CCDC7: variants seen among roughly 807,000 people sequenced by gnomAD.
CCDC7 encodes the protein coiled-coil domain-containing protein 7.
CCDC7 carries 183 observed loss-of-function variants against 196.9 expected under a neutral mutation model. The ratio of observed to expected loss-of-function variants is 0.93; its 90% CI spans 0.82 to 1.05. CCDC7 has a LOEUF of 1.05. Among genes scored for constraint, CCDC7 ranks in the 50% least tolerant of loss-of-function variants. The pLI, the probability that CCDC7 is intolerant of heterozygous loss-of-function variation, is 0.00. For synonymous variants in CCDC7, 525 were observed against 484.6 expected (o/e 1.08, Z -1.10); for missense variants, 1,540 against 1,482.2 (o/e 1.04, Z -0.64).
chr10:32,583,015 A>G lies in CCDC7; in HGVS notation c.1455-19A>G, dbSNP rs2058894670. On this transcript the variant is annotated intron_variant, in intron 16 of 41. Transcript: ENST00000639629. ...TGGTCTTCACATAATCTAATACCAG[A>G]TGTTTTATAATTCTAAAGCTCAGAG... 1 of 1,226,666 alleles carries G rather than the reference A, an allele frequency of 8.2e-7. No homozygotes were observed. Among genetic ancestry groups the G allele is most frequent in the Non-Finnish European group, 1.0e-6 (1 of 983,286 alleles). The allele number at this position is 1,226,666 out of a possible 1,614,324, so 76.0% of individuals were successfully genotyped here. A position where few individuals can be genotyped will look rare whatever the true frequency, so the allele number is the denominator to read the frequency against.
At chr10:32,485,918 T>C (rs1197207259) in intron 8 of CCDC7, among the ~76,000 whole-genome samples, 3 of 152,230 alleles carry the variant, frequency 2.0e-5, no homozygotes, top group Admixed American at 1.3e-4. Flanking sequence ...TACTTCCAAC[T>C]ATGTGGTCAA....
intron 23 of CCDC7, among the ~76,000 whole-genome samples, chr10:32,690,635 T>C (rs1223180543): frequency 6.6e-6 from 1 of 152,242 alleles, no homozygotes; most frequent in Non-Finnish European, 1.5e-5. Context: ...AGAGAACTTT[T>C]GCTTCATTAA....
At chr10:32,828,555 G>GAAGA (rs1565635961) in intron 32 of CCDC7, among the ~76,000 whole-genome samples, 1 of 147,892 alleles carries the variant, frequency 6.8e-6, no homozygotes, top group South Asian at 2.1e-4. Context: ...AGAAGAAGAA[G>GAAGA]AAGAAAGAAG....
At chr10:32,479,742 C>T (rs904515038) in intron 8 of CCDC7, among the ~76,000 whole-genome samples, 1 of 152,044 alleles carries the variant, frequency 6.6e-6, no homozygotes, top group Non-Finnish European at 1.5e-5. Flanking sequence ...AGTATTCCTT[C>T]CTCTTCAAGA....
intron 21 of CCDC7, among the ~76,000 whole-genome samples, chr10:32,678,566 C>A (rs2075378051): frequency 6.6e-6 from 1 of 152,102 alleles, no homozygotes; most frequent in Non-Finnish European, 1.5e-5. Context: ...ACCCCTCTTC[C>A]TGCCTCTTTT....
chr10:32,778,906 T>G, intron 28 of CCDC7, 71 bp from the exon 30 acceptor site: 1 of 1,064,158 alleles, frequency 9.4e-7, no homozygotes, highest in Admixed American at 2.1e-5. Flanking sequence ...CTTGGTTACA[T>G]GCATTGCTAG....
intron 11 of CCDC7, among the ~76,000 whole-genome samples, chr10:32,521,242 A>G (rs943762679): frequency 2.0e-5 from 3 of 152,116 alleles, no homozygotes; most frequent in Non-Finnish European, 2.9e-5. Context: ...TTTGTTTTAT[A>G]TTTCTGTGAA....
At chr10:32,631,841 A>C (rs990952376) in intron 18 of CCDC7, among the ~76,000 whole-genome samples, 1 of 152,030 alleles carries the variant, frequency 6.6e-6, no homozygotes, top group Non-Finnish European at 1.5e-5. Context: ...TTGTATTTTT[A>C]GTATACAGGA....
chr10:32,582,106 C>CCATA (rs1249623292), intron 16 of CCDC7, among the ~76,000 whole-genome samples: 2 of 103,748 alleles, frequency 1.9e-5, no homozygotes, highest in African/African-American at 3.2e-5. Flanking sequence ...ACTGTCAGCA[C>CCATA]TATATATATA....
intron 11 of CCDC7, among the ~76,000 whole-genome samples, chr10:32,531,069 A>G (rs1204313412): frequency 6.6e-6 from 1 of 152,154 alleles, no homozygotes; most frequent in Non-Finnish European, 1.5e-5. Context: ...ATTGATTTGT[A>G]AACATTGAAC....
chr10:32,569,149 C>G (rs984234302), intron 15 of CCDC7, among the ~76,000 whole-genome samples: 7 of 152,116 alleles, frequency 4.6e-5, no homozygotes, highest in African/African-American at 1.7e-4. Context: ...ATGTATCTAG[C>G]TTAACATTCA....
chr10:32,688,936 A>G (rs984667713), intron 22 of CCDC7, 117 bp from the exon 24 acceptor site: 3 of 678,922 alleles, frequency 4.4e-6, no homozygotes, highest in Admixed American at 6.0e-5. Context: ...ATGGTAATTT[A>G]TTCATAACTT....
At chr10:32,629,293 T>G (rs2064492065) in intron 18 of CCDC7, among the ~76,000 whole-genome samples, 1 of 152,138 alleles carries the variant, frequency 6.6e-6, no homozygotes, top group Non-Finnish European at 1.5e-5. Context: ...GAAGTTTATT[T>G]TTTTGATATA....
chr10:32,564,943 C>CTCTA (rs1446273398), intron 13 of CCDC7, among the ~76,000 whole-genome samples: 1 of 152,158 alleles, frequency 6.6e-6, no homozygotes, highest in Non-Finnish European at 1.5e-5. Flanking sequence ...CACTGCTGCA[C>CTCTA]TCTAGCCTGG....
At chr10:32,624,639 C>G (rs2063775154) in intron 18 of CCDC7, among the ~76,000 whole-genome samples, 1 of 152,076 alleles carries the variant, frequency 6.6e-6, no homozygotes, top group Non-Finnish European at 1.5e-5. Flanking sequence ...TACCTAGACT[C>G]CTTCTATCTA....
intron 21 of CCDC7, among the ~76,000 whole-genome samples, chr10:32,670,230 G>A (rs150575401): frequency 0.011 from 1,606 of 152,054 alleles, 29 homozygotes; most frequent in African/African-American, 0.037. Flanking sequence ...CTTGTCTGTT[G>A]AGGCTGTGTC....
intron 28 of CCDC7, among the ~76,000 whole-genome samples, chr10:32,767,120 C>T (rs1346776547): frequency 6.6e-6 from 1 of 152,032 alleles, no homozygotes; most frequent in East Asian, 1.9e-4. Context: ...GGCACCAAGC[C>T]ATTCATGAGA....
At chr10:32,848,884 T>C (rs958185044) in intron 39 of CCDC7, among the ~76,000 whole-genome samples, 166 bp downstream of exon 40, 2 of 152,156 alleles carry the variant, frequency 1.3e-5, no homozygotes, top group African/African-American at 2.4e-5. Flanking sequence ...ATCCTTTTTA[T>C]TGGCAGCATG....
chr10:32,649,364 G>A (rs2068326210), intron 20 of CCDC7, among the ~76,000 whole-genome samples: 1 of 152,188 alleles, frequency 6.6e-6, no homozygotes, highest in Non-Finnish European at 1.5e-5. Context: ...TTTCTGTCTT[G>A]TAATGTTTCT....
Sources: allele counts gnomAD v4.1 joint callset (sites outside exome capture counted in the v4.1 genomes callset), GRCh38; gene constraint gnomAD v4.1.1; transcripts MANE v1.5; gene names NCBI Gene and HGNC (gene_info 2026-07-23, HGNC 2026-07-21).